Variants in FKBP5 observed in about 807,000 individuals in gnomAD.
FKBP5 encodes FKBP prolyl isomerase 5.
A neutral mutation model predicts 50.5 loss-of-function variants in FKBP5; 23 were observed. The ratio of observed to expected loss-of-function variants is 0.46; its 90% CI spans 0.33 to 0.65. FKBP5 has a LOEUF of 0.65. FKBP5 is among the 30% of genes least tolerant of loss of function. The pLI, the probability that FKBP5 is intolerant of heterozygous loss-of-function variation, is 0.02. For missense variants in FKBP5, 411 were observed against 553.1 expected (o/e 0.74, Z 2.58); for synonymous variants, 176 against 190.6 (o/e 0.92, Z 0.63).
intron 2 of FKBP5, among the ~76,000 whole-genome samples, chr6:35,705,235 TATATATATATATATATATATATA>T (rs1561903594): frequency 7.7e-3 from 29 of 3,746 alleles, no homozygotes; most frequent in South Asian, 0.049. Context: ...TATATATATA[TATATATATATATATATATATATA>T]TTTTTTTTTT....
chr6:35,660,264 A>ATTTT (rs773891773), intron 1 of FKBP5, among the ~76,000 whole-genome samples: 11 of 46,726 alleles, frequency 2.4e-4, no homozygotes, highest in East Asian at 1.8e-3. Context: ...CATTGATGCT[A>ATTTT]TTTTTTTTTT....
chr6:35,581,191 A>G (rs1762415893), intron 8 of FKBP5: 1 of 981,848 alleles, frequency 1.0e-6, no homozygotes, highest in Admixed American at 6.2e-5. Flanking sequence ...ATAGTAGCAT[A>G]CAACATAAAT....
chr6:35,635,833 A>C (rs920222734), intron 3 of FKBP5, among the ~76,000 whole-genome samples: 12 of 152,238 alleles, frequency 7.9e-5, no homozygotes, highest in Admixed American at 2.0e-4. Flanking sequence ...TTTTGGTTGA[A>C]GTACATAGAG....
At chr6:35,642,915 T>A in intron 1 of FKBP5, 72 bp from the exon 2 acceptor site, 1 of 1,085,684 alleles carries the variant, frequency 9.2e-7, no homozygotes, top group South Asian at 1.4e-5. Flanking sequence ...CCCTGGGAAC[T>A]GAGCTCTACC....
chr6:35,668,672 G>A (rs1300720263), intron 1 of FKBP5, among the ~76,000 whole-genome samples: 1 of 151,302 alleles, frequency 6.6e-6, no homozygotes, highest in Admixed American at 6.6e-5. Flanking sequence ...GGGTACATGT[G>A]TTTTGTTTTG....
chr6:35,699,141 A>C (rs1766134542), intron 2 of FKBP5, among the ~76,000 whole-genome samples: 2 of 152,298 alleles, frequency 1.3e-5, no homozygotes, highest in South Asian at 4.2e-4. Flanking sequence ...ACTCACACGG[A>C]AGGCAAGTAA....
chr6:35,644,542 G>A lies in FKBP5; in HGVS notation c.-19-1699C>T, dbSNP rs879320964. On this transcript the variant is annotated intron_variant, in intron 1 of 10. Transcript: ENST00000357266. ...CTTCAAATGAGAACACCAAAAACCA[G>A]GGGCTAAGTCTCTCTGCTCTAGTTT... is the stretch of plus-strand genomic sequence containing the variant. 2.8e-4 allele frequency among the ~76,000 whole-genome samples: 43 copies of A among 152,192 alleles called. 1 individual carries two copies. Among genetic ancestry groups the A allele is most frequent in the Non-Finnish European group, 2.9e-5 (2 of 68,042 alleles).
At chr6:35,649,065 T>A (rs1008202135) in intron 1 of FKBP5, among the ~76,000 whole-genome samples, 1 of 152,002 alleles carries the variant, frequency 6.6e-6, no homozygotes, top group South Asian at 2.1e-4. Context: ...TCCTGGCTAA[T>A]ATGGTGAAAC....
intron 1 of FKBP5, among the ~76,000 whole-genome samples, chr6:35,684,609 ATCTTAT>A (rs1765771279): frequency 6.6e-6 from 1 of 152,194 alleles, no homozygotes; most frequent in African/African-American, 2.4e-5. Context: ...CTAAAATAAA[ATCTTAT>A]TCTTATTTTT....
At chr6:35,612,438 A>C (rs1290043205) in intron 5 of FKBP5, among the ~76,000 whole-genome samples, 2 of 152,196 alleles carry the variant, frequency 1.3e-5, no homozygotes, top group South Asian at 2.1e-4. Flanking sequence ...TAGATCAATT[A>C]AAAGGAAGCA....
chr6:35,648,025 C>G (rs1764677575), intron 1 of FKBP5, among the ~76,000 whole-genome samples: 1 of 152,090 alleles, frequency 6.6e-6, no homozygotes, highest in African/African-American at 2.4e-5. Flanking sequence ...TTTTCTAAAC[C>G]TGGGCTAAAC....
At chr6:35,605,215 T>C (rs942419029) in intron 5 of FKBP5, among the ~76,000 whole-genome samples, 2 of 151,588 alleles carry the variant, frequency 1.3e-5, no homozygotes, top group Non-Finnish European at 2.9e-5. Context: ...CATTAAAGTC[T>C]GAACAAATCA....
intron 8 of FKBP5, chr6:35,581,876 G>A (rs1762442371): frequency 1.0e-6 from 1 of 985,502 alleles, no homozygotes; most frequent in Non-Finnish European, 1.2e-6. Flanking sequence ...AGCCCAAGCA[G>A]CGCGTACATC....
chr6:35,697,483 G>T (rs1296401503), intron 2 of FKBP5, among the ~76,000 whole-genome samples: 1 of 149,678 alleles, frequency 6.7e-6, no homozygotes, highest in African/African-American at 2.5e-5. Context: ...GGAGGTGGAG[G>T]TTGCAGTGAG....
At chr6:35,679,530 T>C (rs1201081561) in intron 1 of FKBP5, among the ~76,000 whole-genome samples, 1 of 152,120 alleles carries the variant, frequency 6.6e-6, no homozygotes, top group East Asian at 1.9e-4. Context: ...TGTTGAAAAA[T>C]ATATAAGTTA....
At chr6:35,623,686 T>C (rs1339203183) in intron 3 of FKBP5, among the ~76,000 whole-genome samples, 2 of 151,814 alleles carry the variant, frequency 1.3e-5, no homozygotes, top group African/African-American at 4.8e-5. Flanking sequence ...CCTCCCACCT[T>C]AGCCTCCCAA....
chr6:35,584,674 T>C (rs1157721500), intron 8 of FKBP5: 1 of 985,486 alleles, frequency 1.0e-6, no homozygotes, highest in South Asian at 4.7e-5. Context: ...GGGAAGTTTT[T>C]AGTGGTACAA....
intron 3 of FKBP5, among the ~76,000 whole-genome samples, chr6:35,635,695 T>G (rs1285459414): frequency 1.3e-5 from 2 of 152,144 alleles, no homozygotes. Flanking sequence ...ATATTTTGTA[T>G]TTTCCAAAAT....
At chr6:35,722,806 C>T (rs888100454) in intron 1 of FKBP5, among the ~76,000 whole-genome samples, 2 of 152,202 alleles carry the variant, frequency 1.3e-5, no homozygotes, top group East Asian at 1.9e-4. Flanking sequence ...TATAATGATC[C>T]GTTTTTGTGC....
Sources: gnomAD v4.1 joint callset for allele counts (sites outside exome capture counted in the v4.1 genomes callset) on GRCh38, gnomAD v4.1.1 for gene constraint, MANE v1.5 for transcripts, NCBI Gene and HGNC (gene_info 2026-07-23, HGNC 2026-07-21) for gene names.